SLC25A17: variants seen among roughly 807,000 people sequenced by gnomAD.
The protein encoded by SLC25A17 is peroxisomal membrane protein PMP34.
SLC25A17 carries 26 observed loss-of-function variants against 38.5 expected under a neutral mutation model. The observed-to-expected ratio is 0.68, with a 90% confidence interval of 0.50 to 0.94. SLC25A17 has a LOEUF of 0.94. Ranked by LOEUF, SLC25A17 falls within the 40% of genes least tolerant of loss-of-function variation. The pLI is 0.00. For synonymous variants in SLC25A17, 139 were observed against 136.2 expected (o/e 1.02, Z -0.14); for missense variants, 333 against 372.7 (o/e 0.89, Z 0.88).
intron 3 of SLC25A17, among the ~76,000 whole-genome samples, 162 bp downstream of exon 3, chr22:40,794,352 C>A (rs1314126957): frequency 6.6e-6 from 1 of 152,090 alleles, no homozygotes; most frequent in African/African-American, 2.4e-5. Flanking sequence ...CACTACAGAT[C>A]TTTAAGAAAC....
intron 4 of SLC25A17, among the ~76,000 whole-genome samples, chr22:40,786,945 T>A (rs907930258): frequency 1.3e-5 from 2 of 152,330 alleles, no homozygotes; most frequent in Admixed American, 6.5e-5. Flanking sequence ...CTAGGCAGTG[T>A]GCTAAGACAC....
At chr22:40,774,042 C>T (rs1424279522) in intron 7 of SLC25A17, 23 bp from the exon 8 acceptor site, 8 of 1,465,404 alleles carry the variant, frequency 5.5e-6, no homozygotes, top group Non-Finnish European at 7.7e-6. Flanking sequence ...GGAAAAAAAA[C>T]AAAAGTACTG....
intron 1 of SLC25A17, among the ~76,000 whole-genome samples, chr22:40,805,841 A>G (rs192589155): frequency 6.6e-6 from 1 of 152,336 alleles, no homozygotes; most frequent in Admixed American, 6.5e-5. Context: ...TGTTATTTTA[A>G]GCCACTAAGT....
Position 40,796,555 on chromosome 22 carries a change from C to T in SLC25A17, c.116-1975G>A, listed in dbSNP as rs372831239. On this transcript the variant is annotated intron_variant, in intron 2 of 8. Coordinates refer to ENST00000435456, the MANE Select transcript of SLC25A17 (RefSeq NM_006358.4). Reference sequence around the variant, plus strand: ...TCGGGAGGCTGAGACAGGAGAATCACGTGAATCCAGGCCGAGATTGTGCCA... The same window carrying T: ...TCGGGAGGCTGAGACAGGAGAATCATGTGAATCCAGGCCGAGATTGTGCCA... Among the ~76,000 whole-genome samples the T allele has an allele frequency of 1.9e-4, 29 of 150,552 alleles. 1 individual carries two copies. The highest frequency in any genetic ancestry group is 1.3e-3 in the Admixed American group (20 of 15,080).
intron 1 of SLC25A17, among the ~76,000 whole-genome samples, chr22:40,800,805 A>AT (rs1569409977): frequency 6.0e-5 from 9 of 151,066 alleles, no homozygotes; most frequent in African/African-American, 1.9e-4. Context: ...AAAAAAAAAA[A>AT]ATTTTGAATA....
chr22:40,794,078 AAAGC>A (rs2145677850), intron 3 of SLC25A17, among the ~76,000 whole-genome samples: 2 of 152,346 alleles, frequency 1.3e-5, no homozygotes, highest in South Asian at 4.1e-4. Context: ...GAATCTGGGT[AAAGC>A]ATATACTTGT....
intron 1 of SLC25A17, among the ~76,000 whole-genome samples, chr22:40,808,489 C>T (rs1484223897): frequency 6.6e-6 from 1 of 152,208 alleles, no homozygotes; most frequent in Non-Finnish European, 1.5e-5. Flanking sequence ...AATGAAGACA[C>T]ACATGACGTT....
intron 7 of SLC25A17, among the ~76,000 whole-genome samples, chr22:40,774,788 A>AT (rs2057223927): frequency 6.6e-6 from 1 of 152,212 alleles, no homozygotes; most frequent in Admixed American, 6.5e-5. Context: ...TTAAGTACCA[A>AT]TTTTAAAATA....
intron 1 of SLC25A17, among the ~76,000 whole-genome samples, chr22:40,807,678 G>A (rs2057542231): frequency 6.6e-6 from 1 of 152,144 alleles, no homozygotes; most frequent in African/African-American, 2.4e-5. Context: ...GAACCCGGGA[G>A]GCGGAACTTG....
At chr22:40,784,598 C>T in intron 4 of SLC25A17, 1 of 247,282 alleles carries the variant, frequency 4.0e-6, no homozygotes, top group South Asian at 3.9e-5. Context: ...CACAGAAAGA[C>T]CCCCATCTGT....
intron 1 of SLC25A17, among the ~76,000 whole-genome samples, chr22:40,814,649 TTAAAC>T (rs1602633473): frequency 6.6e-6 from 1 of 151,844 alleles, no homozygotes; most frequent in East Asian, 1.9e-4. Flanking sequence ...ATCCATGACC[TTAAAC>T]CATTCACAAT....
At chr22:40,775,284 T>C (rs886719442) in intron 7 of SLC25A17, among the ~76,000 whole-genome samples, 2 of 152,124 alleles carry the variant, frequency 1.3e-5, no homozygotes, top group African/African-American at 4.8e-5. Context: ...AGTACATTGA[T>C]ATGGTTTGGC....
At chr22:40,795,728 A>G (rs1344100866) in intron 2 of SLC25A17, among the ~76,000 whole-genome samples, 1 of 152,338 alleles carries the variant, frequency 6.6e-6, no homozygotes, top group South Asian at 2.1e-4. Flanking sequence ...GAGGCTATAG[A>G]CACAAAAACT....
At chr22:40,785,929 C>T (rs1258317870) in intron 4 of SLC25A17, among the ~76,000 whole-genome samples, 1 of 152,044 alleles carries the variant, frequency 6.6e-6, no homozygotes, top group African/African-American at 2.4e-5. Context: ...GCCACTGTAC[C>T]CAGCCCTCAT....
chr22:40,778,212 A>C (rs1255136687), intron 5 of SLC25A17, among the ~76,000 whole-genome samples: 1 of 152,228 alleles, frequency 6.6e-6, no homozygotes, highest in East Asian at 1.9e-4. Flanking sequence ...AAAAAAGTAT[A>C]GATCATTCTT....
At chr22:40,798,773 T>G (rs1185371518) in intron 2 of SLC25A17, among the ~76,000 whole-genome samples, 1 of 148,642 alleles carries the variant, frequency 6.7e-6, no homozygotes, top group Non-Finnish European at 1.5e-5. Context: ...TCAAGACCAG[T>G]CTGGCCCATA....
rs201612715 is a variant in SLC25A17, at chr22:40,794,598, G to A, written c.116-18C>T. 1.9e-6 allele frequency: 3 copies of A among 1,545,140 alleles called. No homozygotes were observed. The highest frequency in any genetic ancestry group is 4.5e-5 in the East Asian group (2 of 44,078). On this transcript the variant is annotated intron_variant, in intron 2 of 8. Coordinates refer to ENST00000435456, the MANE Select transcript of SLC25A17 (RefSeq NM_006358.4). ...CTCATCAACTACAAGACCAAACAGT[G>A]CATGTTTATTTTATTAATTAAAAAA...
intron 4 of SLC25A17, among the ~76,000 whole-genome samples, chr22:40,780,523 A>G (rs1289472872): frequency 6.6e-6 from 1 of 152,218 alleles, no homozygotes; most frequent in African/African-American, 2.4e-5. Context: ...GAGGGATATT[A>G]ACACATTCCT....
intron 3 of SLC25A17, among the ~76,000 whole-genome samples, chr22:40,793,675 C>T (rs181223243): frequency 5.7e-4 from 87 of 151,714 alleles, no homozygotes; most frequent in Non-Finnish European, 9.6e-4. Context: ...TGCAATGGCG[C>T]GATCTCGGCT....
Sources: gnomAD v4.1 joint callset for allele counts (sites outside exome capture counted in the v4.1 genomes callset) on GRCh38, gnomAD v4.1.1 for gene constraint, MANE v1.5 for transcripts, NCBI Gene and HGNC (gene_info 2026-07-23, HGNC 2026-07-21) for gene names.